Variants in GPC6 observed in about 807,000 individuals in gnomAD.
GPC6 encodes glypican 6, also known as glypican-6.
In GPC6, 14 loss-of-function variants were observed where a neutral mutation model predicts 55.2. The ratio of observed to expected loss-of-function variants is 0.25; its 90% CI spans 0.17 to 0.40. GPC6 has a LOEUF of 0.40. Among genes scored for constraint, GPC6 ranks in the 10% least tolerant of loss-of-function variants. GPC6 has a pLI of 1.00. For synonymous variants in GPC6, 278 were observed against 259.6 expected (o/e 1.07, Z -0.68); for missense variants, 641 against 708.5 (o/e 0.90, Z 1.08).
chr13:94,242,399 T>C (rs1891081649), intron 4 of GPC6, among the ~76,000 whole-genome samples: 1 of 152,072 alleles, frequency 6.6e-6, no homozygotes. Context: ...ACTGAGTATA[T>C]ACCCAAAGGA....
chr13:93,367,335 C>A (rs764283797), intron 1 of GPC6, among the ~76,000 whole-genome samples: 3 of 152,016 alleles, frequency 2.0e-5, no homozygotes, highest in Non-Finnish European at 2.9e-5. Flanking sequence ...TTTTGTCATA[C>A]CTCTTTTTAT....
intron 1 of GPC6, among the ~76,000 whole-genome samples, chr13:93,379,417 A>T (rs1875063003): frequency 6.6e-6 from 1 of 152,220 alleles, no homozygotes; most frequent in Admixed American, 6.5e-5. Flanking sequence ...AAGCAGATGG[A>T]TGAAAATAAG....
At chr13:93,281,812 T>C (rs1233859522) in intron 1 of GPC6, among the ~76,000 whole-genome samples, 3 of 151,932 alleles carry the variant, frequency 2.0e-5, no homozygotes, top group African/African-American at 4.8e-5. Flanking sequence ...TGAGACTCCA[T>C]CTCAAAAAAC....
intron 6 of GPC6, among the ~76,000 whole-genome samples, chr13:94,329,354 C>G (rs1339633707): frequency 1.3e-5 from 2 of 152,142 alleles, no homozygotes; most frequent in Non-Finnish European, 2.9e-5. Context: ...CACCCTGGGC[C>G]CCTCACATCT....
intron 3 of GPC6, among the ~76,000 whole-genome samples, chr13:93,888,105 TGGTTTTA>T (rs770264363): frequency 9.2e-5 from 14 of 152,154 alleles, no homozygotes; most frequent in Non-Finnish European, 2.1e-4. Context: ...TTCTGTTCTT[TGGTTTTA>T]GGTATTTCAA....
chr13:94,278,019 C>G (rs1038518205), intron 4 of GPC6, among the ~76,000 whole-genome samples: 5 of 152,160 alleles, frequency 3.3e-5, no homozygotes, highest in African/African-American at 1.2e-4. Context: ...CTATAAATTA[C>G]TGTGGGCAGT....
At chr13:93,785,718 T>G (rs180861988) in intron 2 of GPC6, among the ~76,000 whole-genome samples, 1 of 152,172 alleles carries the variant, frequency 6.6e-6, no homozygotes, top group Non-Finnish European at 1.5e-5. Context: ...CCCAGCACTT[T>G]GGAAGGCTGA....
intron 3 of GPC6, among the ~76,000 whole-genome samples, chr13:93,971,395 C>A (rs1209051312): frequency 6.6e-6 from 1 of 152,044 alleles, no homozygotes; most frequent in African/African-American, 2.4e-5. Flanking sequence ...CCCTGAAAAA[C>A]CATAGTCTAA....
chr13:93,916,788 G>C (rs9301918), intron 3 of GPC6, among the ~76,000 whole-genome samples: 53,053 of 147,444 alleles, frequency 0.36, 9,534 homozygotes, highest in Middle Eastern at 0.49. Context: ...CTGCAATGAG[G>C]ATTTCTTTGT....
At position 94,403,005 on chromosome 13, in the gene GPC6, T is replaced by C. The variant is rs1173180395; in HGVS notation, c.1466-10T>C. The C allele has an allele frequency of 1.9e-6, 3 of 1,592,866 alleles. No homozygotes were observed. The highest frequency in any genetic ancestry group is 3.3e-5 in the Admixed American group (2 of 60,000). The stretch of plus-strand genomic sequence containing the variant: ...TGGTCTAACTTTCTTTTTCAATCTT[T>C]CCACACTAGGTGATGAATCCAGTGG... On this transcript the variant is annotated splice_polypyrimidine_tract_variant and intron_variant, in intron 8 of 8. Coordinates refer to ENST00000377047, the MANE Select transcript of GPC6 (RefSeq NM_005708.5).
chr13:93,305,811 TTATC>T (rs759063581), intron 1 of GPC6, among the ~76,000 whole-genome samples: 21 of 152,332 alleles, frequency 1.4e-4, no homozygotes, highest in Non-Finnish European at 2.9e-4. Flanking sequence ...CTAAATGACT[TTATC>T]AAGCAATCTG....
intron 4 of GPC6, among the ~76,000 whole-genome samples, chr13:94,261,876 G>C (rs1160054201): frequency 6.6e-6 from 1 of 152,242 alleles, no homozygotes; most frequent in African/African-American, 2.4e-5. Flanking sequence ...AGACAAACAA[G>C]ACCTGGATGT....
chr13:94,288,074 G>C (rs1403316164), intron 5 of GPC6, among the ~76,000 whole-genome samples: 1 of 151,950 alleles, frequency 6.6e-6, no homozygotes, highest in African/African-American at 2.4e-5. Flanking sequence ...CTTTGTACTG[G>C]GGACAGGAGT....
chr13:93,518,036 G>A (rs1198710456), intron 1 of GPC6, among the ~76,000 whole-genome samples: 1 of 151,840 alleles, frequency 6.6e-6, no homozygotes, highest in African/African-American at 2.4e-5. Context: ...TTACATCCAG[G>A]TAGTAGCTTC....
intron 4 of GPC6, among the ~76,000 whole-genome samples, chr13:94,111,173 A>G (rs1886232187): frequency 6.6e-6 from 1 of 151,864 alleles, no homozygotes; most frequent in African/African-American, 2.4e-5. Flanking sequence ...TTTTTCTATT[A>G]TATTTTGTTT....
chr13:93,487,600 G>A (rs899955961), intron 1 of GPC6, among the ~76,000 whole-genome samples: 12 of 152,180 alleles, frequency 7.9e-5, no homozygotes, highest in African/African-American at 2.9e-4. Context: ...GTTTTGGATT[G>A]AGGGTTGATC....
chr13:93,802,764 G>T (rs1488281987), intron 2 of GPC6, among the ~76,000 whole-genome samples: 1 of 152,148 alleles, frequency 6.6e-6, no homozygotes, highest in Non-Finnish European at 1.5e-5. Flanking sequence ...CTTGGACAGA[G>T]TTCAGTAATA....
chr13:93,701,354 CATTATGGATTAAAAAAAGTA>C (rs1452873501), intron 2 of GPC6, among the ~76,000 whole-genome samples: 25 of 151,962 alleles, frequency 1.6e-4, no homozygotes, highest in Non-Finnish European at 1.5e-4. Flanking sequence ...TGTGTAATAG[CATTATGGATTAAAAAAAGTA>C]CATACATTAA....
At chr13:93,391,740 G>A (rs1875640159) in intron 1 of GPC6, among the ~76,000 whole-genome samples, 1 of 152,086 alleles carries the variant, frequency 6.6e-6, no homozygotes, top group Non-Finnish European at 1.5e-5. Flanking sequence ...TAGCTTTTAA[G>A]ATTTAGTGGC....
Sources: allele counts gnomAD v4.1 joint callset (sites outside exome capture counted in the v4.1 genomes callset), GRCh38; gene constraint gnomAD v4.1.1; transcripts MANE v1.5; gene names NCBI Gene and HGNC (gene_info 2026-07-23, HGNC 2026-07-21).